POLR2B: variants seen among roughly 807,000 people sequenced by gnomAD.
The protein encoded by POLR2B is DNA-directed RNA polymerase II subunit RPB2.
Under a neutral mutation model 144.6 loss-of-function variants are expected in POLR2B, and 57 were observed. The ratio of observed to expected loss-of-function variants is 0.39; its 90% CI spans 0.32 to 0.49. The LOEUF (loss-of-function observed/expected upper bound fraction) is 0.49. POLR2B is among the 20% of genes least tolerant of loss of function. POLR2B has a pLI of 0.83. For missense variants in POLR2B, 595 were observed against 1,467.4 expected, an observed-to-expected ratio of 0.41 and a Z score of 9.71; for synonymous variants, 442 against 469.8, an observed-to-expected ratio of 0.94 and a Z score of 0.77.
At chr4:57,003,953 C>T (rs1432880769) in intron 7 of POLR2B, among the ~76,000 whole-genome samples, 1 of 150,638 alleles carries the variant, frequency 6.6e-6, no homozygotes, top group Non-Finnish European at 1.5e-5. Context: ...AGAGTGAGAC[C>T]CTGTCTCAAA....
In POLR2B at chr4:57,023,142, CTTTTT is replaced by C. The variant is rs574350972; in HGVS notation, c.2516-182_2516-178del. On this transcript the variant is annotated intron_variant, in intron 18 of 24. Coordinates refer to ENST00000314595, the MANE Select transcript of POLR2B (RefSeq NM_000938.3). The surrounding 1 kb of genome is among the most constrained non-coding windows in gnomAD (Gnocchi z 4.3). Reference sequence around the variant, plus strand: ...TTCCAATGTTCTTTTCCTTCATAGACTTTTTTTTTTGTTTTCTGTGTGGGCTGTAG... The same window carrying C: ...TTCCAATGTTCTTTTCCTTCATAGACTTTTTGTTTTCTGTGTGGGCTGTAG... 2.2e-6 allele frequency: 1 copy of C among 452,698 alleles called. No homozygotes were observed. Among genetic ancestry groups the C allele is most frequent in the Non-Finnish European group, 3.9e-6 (1 of 256,410 alleles). The allele number at this position is 452,698 out of a possible 1,614,324, so 28.0% of individuals were successfully genotyped here.
intron 23 of POLR2B, among the ~76,000 whole-genome samples, chr4:57,028,227 T>C (rs1017770971): frequency 9.9e-5 from 15 of 152,202 alleles, no homozygotes; most frequent in Admixed American, 5.9e-4. Flanking sequence ...TTCAGAATCA[T>C]GCAAGTGCTT....
chr4:57,005,582 CTT>C lies in POLR2B; in HGVS notation c.1098-6_1098-5del, dbSNP rs367918481. ...AAGTGTTTTCCCTCTTTCTTTCTTTCTTTTTTTTTTTTTAAAGATACATGGTT... is the reference window on the plus strand; with the variant it reads ...AAGTGTTTTCCCTCTTTCTTTCTTTCTTTTTTTTTTTAAAGATACATGGTT... On this transcript the variant is annotated splice_polypyrimidine_tract_variant and intron_variant, in intron 8 of 24. Transcript: ENST00000314595. The C allele has an allele frequency of 5.9e-4, 785 of 1,330,394 alleles. 1 individual carries two copies. Among genetic ancestry groups the C allele is most frequent in the African/African-American group, 7.8e-4 (51 of 65,110 alleles). The allele number at this position is 1,330,394 out of a possible 1,614,324, so 82.4% of individuals were successfully genotyped here. A position where few individuals can be genotyped will look rare whatever the true frequency, so the allele number is the denominator to read the frequency against.
At chr4:56,997,381 C>T (rs776546334) in intron 6 of POLR2B, among the ~76,000 whole-genome samples, 10 of 151,874 alleles carry the variant, frequency 6.6e-5, no homozygotes, top group South Asian at 2.1e-4. Context: ...CTTCAGCCTC[C>T]GAAGTAGTTA....
chr4:57,012,647 C>T (rs1440711915), intron 13 of POLR2B, among the ~76,000 whole-genome samples: 6 of 147,806 alleles, frequency 4.1e-5, no homozygotes, highest in African/African-American at 1.5e-4. Flanking sequence ...CAGCAGCAGA[C>T]CCTGAGTGTT....
rs1723608557 is a variant in POLR2B, at chr4:57,023,214, G to A, written c.2516-116G>A. 3.4e-6 allele frequency: 3 copies of A among 870,034 alleles called. No homozygotes were observed. Among genetic ancestry groups the A allele is most frequent in the Non-Finnish European group, 5.4e-6 (3 of 554,376 alleles). The allele number at this position is 870,034 out of a possible 1,614,324, so 53.9% of individuals were successfully genotyped here. On this transcript the variant is annotated intron_variant, in intron 18 of 24. Transcript: ENST00000314595. The surrounding 1 kb of genome is among the most constrained non-coding windows in gnomAD (Gnocchi z 4.3). Reference sequence around the variant, plus strand: ...AGTTTGTAATATTTGGAATAAGGGTGTGATTCATGGTATAGAGACTCCTGT... The same window carrying A: ...AGTTTGTAATATTTGGAATAAGGGTATGATTCATGGTATAGAGACTCCTGT...
intron 7 of POLR2B, among the ~76,000 whole-genome samples, chr4:57,004,352 C>CTT (rs34205751): frequency 7.1e-6 from 1 of 140,626 alleles, no homozygotes; most frequent in Non-Finnish European, 1.5e-5. Context: ...CCCAGCAAAT[C>CTT]TTTTTTTTTT....
At chr4:56,995,824 A>G (rs1722660920) in intron 6 of POLR2B, among the ~76,000 whole-genome samples, 4 of 152,232 alleles carry the variant, frequency 2.6e-5, no homozygotes, top group Admixed American at 2.6e-4. Context: ...AGCAGCTGAC[A>G]GCAGCATAGC....
intron 13 of POLR2B, among the ~76,000 whole-genome samples, chr4:57,011,561 A>C (rs1723188801): frequency 6.6e-6 from 1 of 152,048 alleles, no homozygotes; most frequent in South Asian, 2.1e-4. Context: ...ATGGTGGCTC[A>C]CGCCTGTAAT....
intron 3 of POLR2B, among the ~76,000 whole-genome samples, chr4:56,993,140 C>T (rs999155601): frequency 5.3e-5 from 8 of 151,484 alleles, no homozygotes; most frequent in Non-Finnish European, 1.2e-4. Context: ...CCCATCTCTA[C>T]CAAAAAATAC....
chr4:57,024,812 C>A, intron 21 of POLR2B, 74 bp from the exon 22 acceptor site: 1 of 718,050 alleles, frequency 1.4e-6, no homozygotes, highest in Non-Finnish European at 2.4e-6. Context: ...TTTTTGAATG[C>A]ATTTTTATTG....
intron 9 of POLR2B, among the ~76,000 whole-genome samples, chr4:57,006,017 T>G (rs566375118): frequency 3.3e-5 from 5 of 152,320 alleles, no homozygotes; most frequent in African/African-American, 1.2e-4. Context: ...TTGGATTTTG[T>G]CCTGCTTTGT....
intron 23 of POLR2B, among the ~76,000 whole-genome samples, chr4:57,028,808 C>G (rs1723805950): frequency 6.6e-6 from 1 of 152,210 alleles, no homozygotes; most frequent in African/African-American, 2.4e-5. Context: ...ACAGTACCTC[C>G]TTAGTATTAA....
chr4:57,017,173 T>G lies in POLR2B; in HGVS notation c.2086T>G (p.Cys696Gly). 1 of 1,613,106 alleles carries G rather than the reference T, an allele frequency of 6.2e-7. No individual in the cohort carries two copies. Among genetic ancestry groups the G allele is most frequent in the Non-Finnish European group, 8.5e-7 (1 of 1,179,330 alleles). Residue 696 changes from cysteine to glycine, a missense_variant, in exon 15 of 25, where the codon TGT (cysteine) becomes GGT (glycine). Cys to Gly is a radical substitution (Grantham distance 159). Coordinates refer to ENST00000314595, the MANE Select transcript of POLR2B (RefSeq NM_000938.3). This position sits in a 1 kb window ranked among gnomAD's most constrained non-coding sequence, Gnocchi z 4.8. ...EVAYCSTYTH[C>G]EIHPSMILGV... ...AGCTTATTGTTCCACATATACACACTGTGAGATTCATCCCTCAATGATCCT... is the reference window on the plus strand; with the variant it reads ...AGCTTATTGTTCCACATATACACACGGTGAGATTCATCCCTCAATGATCCT...
At position 56,994,773 on chromosome 4, in the gene POLR2B, C is replaced by T. The variant is rs149588434; in HGVS notation, c.483C>T (p.Cys161=). The change falls in exon 5 of 25, where the codon TGC becomes TGT. Residue 161 remains cysteine (C), a synonymous_variant. Coordinates refer to ENST00000314595, the MANE Select transcript of POLR2B (RefSeq NM_000938.3). ...KIPIMLRSTY[C]LLNGLTDRDL... ...CAATTATGTTGCGGTCAACTTACTG[C>T]CTTTTGAATGGCTTGACAGATCGTG... 6.2e-6 allele frequency: 10 copies of T among 1,613,478 alleles called. No individual in the cohort carries two copies. The highest frequency in any genetic ancestry group is 8.5e-6 in the Non-Finnish European group (10 of 1,179,550).
chr4:57,017,172 C>G lies in POLR2B; in HGVS notation c.2085C>G (p.His695Gln). ...TAGCTTATTGTTCCACATATACACACTGTGAGATTCATCCCTCAATGATCC... is the reference window on the plus strand; with the variant it reads ...TAGCTTATTGTTCCACATATACACAGTGTGAGATTCATCCCTCAATGATCC... ...KEVAYCSTYTHCEIHPSMILG... is the reference protein window; with the variant it reads ...KEVAYCSTYTQCEIHPSMILG... Residue 695 changes from histidine to glutamine, a missense_variant, in exon 15 of 25, where the codon CAC (histidine) becomes CAG (glutamine). Transcript: ENST00000314595. This position sits in a 1 kb window ranked among gnomAD's most constrained non-coding sequence, Gnocchi z 4.8. The G allele has an allele frequency of 6.2e-7, 1 of 1,612,808 alleles. No homozygotes were observed. The highest frequency in any genetic ancestry group is 8.5e-7 in the Non-Finnish European group (1 of 1,179,130).
At chr4:57,026,900 A>C (rs1374318867) in intron 23 of POLR2B, among the ~76,000 whole-genome samples, 2 of 152,252 alleles carry the variant, frequency 1.3e-5, no homozygotes, top group African/African-American at 2.4e-5. Flanking sequence ...AAACAGCTGG[A>C]TTCTTACATC....
Position 56,994,421 on chromosome 4 carries a change from G to A in POLR2B, c.261G>A (p.Lys87=). ...EVEEPPRYLL[K]FEQIYLSKPT... Reference sequence around the variant, plus strand: ...AATTTCAGCCACGATATTTGCTGAAGTTTGAACAAATTTATCTTTCCAAGC... The same window carrying A: ...AATTTCAGCCACGATATTTGCTGAAATTTGAACAAATTTATCTTTCCAAGC... The change falls in exon 4 of 25, where the codon AAG becomes AAA. Residue 87 remains lysine, a synonymous_variant. Transcript: ENST00000314595. 6.3e-7 allele frequency: 1 copy of A among 1,593,066 alleles called. No homozygotes were observed. The highest frequency in any genetic ancestry group is 8.6e-7 in the Non-Finnish European group (1 of 1,162,034).
intron 6 of POLR2B, among the ~76,000 whole-genome samples, chr4:56,996,705 A>T (rs1267299222): frequency 1.3e-5 from 2 of 152,192 alleles, no homozygotes; most frequent in Admixed American, 1.3e-4. Flanking sequence ...AATGTTTTTC[A>T]TAATATTTTA....
Sources: gnomAD v4.1 joint callset for allele counts (sites outside exome capture counted in the v4.1 genomes callset) on GRCh38, gnomAD v4.1.1 for gene constraint, Gnocchi (gnomAD v3.1) non-coding constraint, MANE v1.5 for transcripts, NCBI Gene and HGNC (gene_info 2026-07-23, HGNC 2026-07-21) for gene names.